AXDND1: variants seen among roughly 807,000 people sequenced by gnomAD.
AXDND1 encodes axonemal dynein light chain domain-containing protein 1.
AXDND1 carries 110 observed loss-of-function variants against 137.5 expected under a neutral mutation model. The ratio of observed to expected loss-of-function variants is 0.80; its 90% CI spans 0.69 to 0.94. The LOEUF is 0.94. AXDND1 is among the 40% of genes least tolerant of loss of function. The probability of loss-of-function intolerance (pLI) is 0.00; values close to 1 mark genes in which losing one functional copy is unlikely to be tolerated. For synonymous variants in AXDND1, 414 were observed against 399.7 expected (o/e 1.04, Z -0.43); for missense variants, 1,191 against 1,169.8 (o/e 1.02, Z -0.26).
chr1:179,391,789 C>T (rs941168434), intron 9 of AXDND1, among the ~76,000 whole-genome samples: 3 of 152,134 alleles, frequency 2.0e-5, no homozygotes, highest in African/African-American at 7.2e-5. Context: ...TCACCTGTCT[C>T]AGCCTCCCAA....
At chr1:179,411,099 ATT>A in intron 11 of AXDND1, 45 bp from the exon 12 acceptor site, 1 of 1,417,150 alleles carries the variant, frequency 7.1e-7, no homozygotes, top group Non-Finnish European at 9.6e-7. Context: ...ATGTGTCTAT[ATT>A]GTTAGTATAA....
chr1:179,430,647 T>C (rs1657232487), intron 14 of AXDND1, 41 bp downstream of exon 14: 1 of 1,569,616 alleles, frequency 6.4e-7, no homozygotes, highest in African/African-American at 1.4e-5. Context: ...TATACTTATG[T>C]CTGATAACTC....
rs765367223 is a variant in AXDND1 at position 179,378,693 on chromosome 1, C to G, written c.431C>G (p.Ala144Gly). 6.3e-7 allele frequency: 1 copy of G among 1,598,392 alleles called. No individual in the cohort carries two copies. Among genetic ancestry groups the G allele is most frequent in the East Asian group, 2.3e-5 (1 of 44,118 alleles). ...GCCAAAGGACAGACTAGGGAGAAGG[C>G]AGTTTGTCCCCCACATTTGGCCCGT... Reference protein sequence around the residue: ...TYAKGQTREKAVCPPHLARSL... With the variant: ...TYAKGQTREKGVCPPHLARSL... The change falls in exon 5 of 26, where the codon GCA becomes GGA. Residue 144 changes from alanine (A) to glycine (G), a missense_variant. Transcript: ENST00000367618.
At position 179,445,006 on chromosome 1, in the gene AXDND1, G is replaced by A; in HGVS notation, c.1600G>A (p.Val534Ile). The A allele has an allele frequency of 6.2e-7, 1 of 1,612,150 alleles. No individual in the cohort carries two copies. Among genetic ancestry groups the A allele is most frequent in the Non-Finnish European group, 8.5e-7 (1 of 1,178,566 alleles). ...NEKKEEFTGD[V>I]LLSKYDTLKI... is the part of the protein sequence containing the mutation. ...GAAAAAAGAAGAGTTTACTGGGGATGTTCTACTGTCAAAATACGATACTCT... is the reference window on the plus strand; with the variant it reads ...GAAAAAAGAAGAGTTTACTGGGGATATTCTACTGTCAAAATACGATACTCT... Residue 534 changes from valine (V) to isoleucine (I), a missense_variant, in exon 16 of 26, where the codon GTT (valine) becomes ATT (isoleucine). Val to Ile is a conservative substitution (Grantham distance 29). Transcript: ENST00000367618.
rs1369301638 is a variant in AXDND1 at position 179,378,701 on chromosome 1, C to T, written c.439C>T (p.Pro147Ser). The change falls in exon 5 of 26, where the codon CCC becomes TCC. Residue 147 changes from proline (P) to serine (S), a missense_variant. Pro to Ser is a moderately conservative substitution (Grantham distance 74). Transcript: ENST00000367618. ...KGQTREKAVC[P>S]PHLARSLQSH... ...ACAGACTAGGGAGAAGGCAGTTTGTCCCCCACATTTGGCCCGTTCATTACA... is the reference window on the plus strand; with the variant it reads ...ACAGACTAGGGAGAAGGCAGTTTGTTCCCCACATTTGGCCCGTTCATTACA... The T allele has an allele frequency of 6.3e-7, 1 of 1,597,334 alleles. No homozygotes were observed. The highest frequency in any genetic ancestry group is 1.7e-5 in the Admixed American group (1 of 59,144).
At chr1:179,456,714 C>T in intron 16 of AXDND1, 1 of 783,152 alleles carries the variant, frequency 1.3e-6, no homozygotes. Flanking sequence ...CCCACTGAAA[C>T]CACCTCCATG....
At chr1:179,423,670 A>G (rs1345075160) in intron 12 of AXDND1, among the ~76,000 whole-genome samples, 2 of 151,936 alleles carry the variant, frequency 1.3e-5, no homozygotes, top group Non-Finnish European at 2.9e-5. Flanking sequence ...AAAAGAGATG[A>G]CAATTTATCT....
rs149984400 is a variant in AXDND1, at chr1:179,521,251, C to T, written c.2497-4083C>T. 2.4e-3 allele frequency among the ~76,000 whole-genome samples: 363 copies of T among 152,214 alleles called. 1 individual carries two copies. Among genetic ancestry groups the T allele is most frequent in the African/African-American group, 8.2e-3 (342 of 41,554 alleles). ...GGGCTTACAGATGTTCACCACCATT[C>T]CTATTTTAATTTTATATGCTGTGAC... On this transcript the variant is annotated intron_variant, in intron 21 of 25. Coordinates refer to ENST00000367618, the MANE Select transcript of AXDND1 (RefSeq NM_144696.6).
chr1:179,499,237 A>G (rs1378396819), intron 20 of AXDND1, among the ~76,000 whole-genome samples: 2 of 152,208 alleles, frequency 1.3e-5, no homozygotes, highest in Non-Finnish European at 1.5e-5. Context: ...CAGTATATTT[A>G]TATAATAGAA....
intron 15 of AXDND1, among the ~76,000 whole-genome samples, chr1:179,434,423 C>T (rs967765891): frequency 2.0e-5 from 3 of 152,144 alleles, no homozygotes; most frequent in Non-Finnish European, 4.4e-5. Context: ...AGGCCAGTAT[C>T]CCTGATGAAC....
At chr1:179,512,547 C>T (rs1387432790) in intron 21 of AXDND1, among the ~76,000 whole-genome samples, 2 of 151,926 alleles carry the variant, frequency 1.3e-5, no homozygotes. Context: ...GCTATGCGGG[C>T]TCTATTTTGG....
chr1:179,409,652 C>T (rs79893062), intron 11 of AXDND1, among the ~76,000 whole-genome samples: 16,097 of 152,020 alleles, frequency 0.11, 973 homozygotes, highest in African/African-American at 0.14. Flanking sequence ...GAGGCTGAGG[C>T]GGGCGGATCA....
intron 25 of AXDND1, among the ~76,000 whole-genome samples, chr1:179,549,382 A>C (rs1672975649): frequency 6.6e-6 from 1 of 152,196 alleles, no homozygotes; most frequent in Admixed American, 6.5e-5. Flanking sequence ...AAGACAACGC[A>C]TGCCAGCAAG....
At chr1:179,535,115 C>T in intron 25 of AXDND1, 153 bp downstream of exon 25, 4 of 1,161,706 alleles carry the variant, frequency 3.4e-6, no homozygotes, top group Non-Finnish European at 4.9e-6. Flanking sequence ...AATCACATAA[C>T]CATCTTATTC....
chr1:179,479,493 A>G (rs1665068652), intron 17 of AXDND1, among the ~76,000 whole-genome samples: 2 of 148,164 alleles, frequency 1.3e-5, no homozygotes, highest in Non-Finnish European at 3.0e-5. Flanking sequence ...AAAAAAGGAA[A>G]AAGGCTGGGT....
intron 11 of AXDND1, among the ~76,000 whole-genome samples, chr1:179,409,925 T>C (rs1200347958): frequency 1.3e-5 from 2 of 152,218 alleles, no homozygotes; most frequent in African/African-American, 2.4e-5. Context: ...TCTACTCTTT[T>C]GTTGTTGGAC....
intron 11 of AXDND1, among the ~76,000 whole-genome samples, chr1:179,405,785 G>A (rs2125194547): frequency 6.6e-6 from 1 of 151,844 alleles, no homozygotes; most frequent in East Asian, 1.9e-4. Flanking sequence ...CTAGCTAGAA[G>A]TTTATTGATT....
intron 16 of AXDND1, among the ~76,000 whole-genome samples, chr1:179,459,973 C>T (rs150851159): frequency 1.3e-3 from 124 of 92,928 alleles, no homozygotes; most frequent in African/African-American, 3.5e-3. Flanking sequence ...TTCTTTCTTT[C>T]TTTTTCTTTC....
intron 15 of AXDND1, among the ~76,000 whole-genome samples, chr1:179,434,910 T>C (rs1415573968): frequency 1.3e-5 from 2 of 152,152 alleles, no homozygotes; most frequent in African/African-American, 2.4e-5. Context: ...TTATCTCTGT[T>C]TGCAGTTGAC....
Sources: allele counts gnomAD v4.1 joint callset (sites outside exome capture counted in the v4.1 genomes callset), GRCh38; gene constraint gnomAD v4.1.1; transcripts MANE v1.5; gene names NCBI Gene and HGNC (gene_info 2026-07-23, HGNC 2026-07-21).